KLHL5: variants seen among roughly 807,000 people sequenced by gnomAD.
KLHL5 encodes the protein kelch-like protein 5.
KLHL5 carries 48 observed loss-of-function variants against 77.7 expected under a neutral mutation model. That is an observed-to-expected ratio of 0.62 (90% CI 0.49 to 0.79). The LOEUF is 0.79. Ranked by LOEUF, KLHL5 falls within the 30% of genes least tolerant of loss-of-function variation. KLHL5 has a pLI of 0.00. For missense variants in KLHL5, 723 were observed against 859.7 expected (o/e 0.84, Z 1.99); for synonymous variants, 260 against 297.0 (o/e 0.88, Z 1.28).
intron 1 of KLHL5, among the ~76,000 whole-genome samples, chr4:39,069,430 T>TTATATA (rs60740721): frequency 6.2e-4 from 19 of 30,444 alleles, no homozygotes; most frequent in Admixed American, 2.4e-3. Flanking sequence ...TATTAACATT[T>TTATATA]TATATATATA....
intron 10 of KLHL5, among the ~76,000 whole-genome samples, chr4:39,118,526 C>T (rs1286407729): frequency 3.9e-5 from 6 of 152,110 alleles, no homozygotes; most frequent in African/African-American, 1.2e-4. Context: ...GAGGCCAAGG[C>T]GGGTGGGTCA....
In KLHL5 at chr4:39,124,797, A is replaced by ATT; in HGVS notation, c.*3731_*3732insTT. On this transcript the variant is annotated 3_prime_UTR_variant, in exon 11 of 11. Coordinates refer to ENST00000504108, the MANE Select transcript of KLHL5 (RefSeq NM_015990.5). ...ATATGGCACCAAAAGCACAAGCAAC[A>ATT]ACAGCAAAAAAAAAAAAAAAAAAAA... Among the ~76,000 whole-genome samples the ATT allele has an allele frequency of 3.2e-5, 4 of 124,496 alleles. No individual in the cohort carries two copies. Among genetic ancestry groups the ATT allele is most frequent in the Non-Finnish European group, 7.1e-5 (4 of 56,002 alleles). The allele number at this position is 124,496 out of a possible 152,430, so 81.7% of individuals were successfully genotyped here. A position where few individuals can be genotyped will look rare whatever the true frequency, so the allele number is the denominator to read the frequency against.
At chr4:39,055,946 A>G (rs1577631803) in intron 1 of KLHL5, among the ~76,000 whole-genome samples, 1 of 152,318 alleles carries the variant, frequency 6.6e-6, no homozygotes, top group East Asian at 1.9e-4. Flanking sequence ...TTATAGGTAT[A>G]TATTACAGTG....
At chr4:39,137,503 A>C in the KLHL5 span, among the ~76,000 whole-genome samples, 1 of 152,136 alleles carries the variant, frequency 6.6e-6, no homozygotes, top group Non-Finnish European at 1.5e-5. Flanking sequence ...GCACACCTGT[A>C]GTCCCAGCTA....
rs1280981751 is a variant in KLHL5 at position 39,121,100 on chromosome 4, C to G, written c.*34C>G. ...CCCGTTTTCTACATGAAGACACCGT[C>G]TTCCTTTATTAATTTAGTATAATTA... is the stretch of plus-strand genomic sequence containing the variant. On this transcript the variant is annotated 3_prime_UTR_variant, in exon 11 of 11. Coordinates refer to ENST00000504108, the MANE Select transcript of KLHL5 (RefSeq NM_015990.5). 1 of 1,439,558 alleles carries G rather than the reference C, an allele frequency of 6.9e-7. No homozygotes were observed. The highest frequency in any genetic ancestry group is 1.4e-5 in the African/African-American group (1 of 71,978). 89.2% of individuals were successfully genotyped at this position (1,439,558 alleles called of 1,614,324 possible).
chr4:39,045,662 T>TG lies in KLHL5; in HGVS notation c.-95+567dup, dbSNP rs1368048889. The stretch of plus-strand genomic sequence containing the variant: ...GCATTTAGGCATTTATTTCAGTGCA[T>TG]GCTCTGGGATCAGAAGCTGGCGGTA... On this transcript the variant is annotated intron_variant, in intron 1 of 11. Coordinates refer to the KLHL5 transcript ENST00000261425. Among the ~76,000 whole-genome samples, 5 of 152,236 alleles carry TG rather than the reference T, an allele frequency of 3.3e-5. No individual in the cohort carries two copies. In the South Asian group the frequency reaches 6.2e-4, roughly 19 times the overall value.
chr4:39,103,001 T>A (rs1721723674), intron 6 of KLHL5, among the ~76,000 whole-genome samples: 2 of 152,178 alleles, frequency 1.3e-5, no homozygotes, highest in Admixed American at 6.5e-5. Context: ...ACTTAACGCC[T>A]CTGCTTTTTT....
intron 1 of KLHL5, among the ~76,000 whole-genome samples, chr4:39,073,604 T>A (rs747887942): frequency 6.6e-6 from 1 of 151,998 alleles, no homozygotes; most frequent in South Asian, 2.1e-4. Context: ...TATAAAACTT[T>A]ATCAAAAAAT....
At position 39,123,756 on chromosome 4, in the gene KLHL5, A is replaced by C. The variant is rs1366667785; in HGVS notation, c.*2690A>C. On this transcript the variant is annotated 3_prime_UTR_variant, in exon 11 of 11. Coordinates refer to ENST00000504108, the MANE Select transcript of KLHL5 (RefSeq NM_015990.5). ...ATAAAAACCCACAGCTAACAACATA[A>C]TAGCAAAACATTGAAAATTTTTCCC... 6.6e-6 allele frequency among the ~76,000 whole-genome samples: 1 copy of C among 152,152 alleles called. No homozygotes were observed. The highest frequency in any genetic ancestry group is 1.5e-5 in the Non-Finnish European group (1 of 67,996).
intron 1 of KLHL5, among the ~76,000 whole-genome samples, chr4:39,071,732 C>T (rs961928135): frequency 6.6e-6 from 1 of 152,200 alleles, no homozygotes; most frequent in African/African-American, 2.4e-5. Context: ...CTATTTGATA[C>T]TTGCCTCTTT....
chr4:39,136,887 G>A, the KLHL5 span, among the ~76,000 whole-genome samples: 402 of 152,292 alleles, frequency 2.6e-3, 2 homozygotes, highest in African/African-American at 8.4e-3. Context: ...CATCCACGAC[G>A]GAGAACTGCC....
intron 1 of KLHL5, among the ~76,000 whole-genome samples, chr4:39,056,046 C>T (rs1367298): frequency 0.77 from 116,940 of 152,148 alleles, 44,962 homozygotes; most frequent in East Asian, 0.82. Flanking sequence ...ATATCAAAGT[C>T]CTTGACTGCT....
chr4:39,112,695 C>A, intron 8 of KLHL5: 1 of 254,528 alleles, frequency 3.9e-6, no homozygotes, highest in Non-Finnish European at 7.6e-6. Context: ...CATATTTTGT[C>A]TATTCTAAGA....
the KLHL5 span, among the ~76,000 whole-genome samples, chr4:39,140,235 A>T: frequency 2.0e-5 from 3 of 152,136 alleles, no homozygotes; most frequent in Non-Finnish European, 4.4e-5. Flanking sequence ...TCTCAAACGA[A>T]ACAAAAAAGA....
rs748313663 is a variant in KLHL5 at position 39,096,845 on chromosome 4, T to C, written c.1267T>C (p.Leu423=). ...ACCTAGGAAGTCAACTGTTGGTACA[T>C]TATTTGCAGTTGGGGGAATGGATTC... The part of the protein sequence containing the change: ...TKPRKSTVGT[L]FAVGGMDSTK... Residue 423 remains leucine, a synonymous_variant, in exon 6 of 11, where the codon TTA becomes CTA. Coordinates refer to ENST00000504108, the MANE Select transcript of KLHL5 (RefSeq NM_015990.5). 9.3e-6 allele frequency: 15 copies of C among 1,613,704 alleles called. No homozygotes were observed. In the East Asian group the frequency reaches 2.9e-4, roughly 31 times the overall value.
chr4:39,077,725 C>CCAAA (rs1560418091), intron 2 of KLHL5, among the ~76,000 whole-genome samples: 5 of 143,862 alleles, frequency 3.5e-5, no homozygotes, highest in African/African-American at 5.3e-5. Flanking sequence ...AACAAACAAA[C>CCAAA]AAAAAAACTA....
downstream of KLHL5, chr4:39,126,585 C>T (rs1043175682): frequency 1.3e-5 from 5 of 372,762 alleles, no homozygotes; most frequent in African/African-American, 1.1e-4. Flanking sequence ...AAAGCAAACC[C>T]AGGGAAGCTC....
intron 1 of KLHL5, among the ~76,000 whole-genome samples, chr4:39,057,119 A>C (rs962001129): frequency 6.6e-6 from 1 of 152,210 alleles, no homozygotes; most frequent in Non-Finnish European, 1.5e-5. Flanking sequence ...TTAATTCAGT[A>C]AGAGTTTCAT....
At chr4:39,103,215 A>G in intron 6 of KLHL5, 72 bp from the exon 7 acceptor site, 2 of 1,025,252 alleles carry the variant, frequency 2.0e-6, no homozygotes, top group Non-Finnish European at 2.9e-6. Context: ...ATATTTTTGT[A>G]TCTGTAATTT....
Sources: gnomAD v4.1 joint callset for allele counts (sites outside exome capture counted in the v4.1 genomes callset) on GRCh38, gnomAD v4.1.1 for gene constraint, MANE v1.5 for transcripts, NCBI Gene and HGNC (gene_info 2026-07-23, HGNC 2026-07-21) for gene names.